ST8SIA5: variants seen among roughly 807,000 people sequenced by gnomAD.
The protein encoded by ST8SIA5 is alpha-2,8-sialyltransferase 8E.
ST8SIA5 carries 24 observed loss-of-function variants against 40.2 expected under a neutral mutation model. The ratio of observed to expected loss-of-function variants is 0.60; its 90% CI spans 0.43 to 0.84. The LOEUF is 0.84. Among genes scored for constraint, ST8SIA5 ranks in the 40% least tolerant of loss-of-function variants. The probability of loss-of-function intolerance (pLI) is 0.00; values close to 1 mark genes in which losing one functional copy is unlikely to be tolerated. For synonymous variants in ST8SIA5, 198 were observed against 201.8 expected (o/e 0.98, Z 0.16); for missense variants, 465 against 498.5 (o/e 0.93, Z 0.64).
chr18:46,724,083 T>C (rs2039890555), intron 1 of ST8SIA5, among the ~76,000 whole-genome samples: 1 of 152,230 alleles, frequency 6.6e-6, no homozygotes, highest in South Asian at 2.1e-4. Context: ...TCTCTGCACC[T>C]CTCAAGGCCT....
chr18:46,679,781 C>G lies in ST8SIA5; in HGVS notation c.*261G>C, dbSNP rs1346485445. On this transcript the variant is annotated 3_prime_UTR_variant, in exon 7 of 7. Coordinates refer to ENST00000315087, the MANE Select transcript of ST8SIA5 (RefSeq NM_013305.6). ...CCCCTGATCTTGGGGTGTGGCCCAG[C>G]AGCATGCTAGCCAGGGCAGGTGGAC... 1 of 515,036 alleles carries G rather than the reference C, an allele frequency of 1.9e-6. No homozygotes were observed. The highest frequency in any genetic ancestry group is 3.6e-5 in the Admixed American group (1 of 27,906). 31.9% of individuals were successfully genotyped at this position (515,036 alleles called of 1,614,324 possible).
intron 2 of ST8SIA5, among the ~76,000 whole-genome samples, chr18:46,702,146 CA>C (rs5824635): frequency 7.0e-4 from 85 of 120,718 alleles, no homozygotes; most frequent in African/African-American, 9.9e-4. Context: ...GACTCCATCT[CA>C]AAAAAAAAAA....
In ST8SIA5 at chr18:46,756,575, G is replaced by A. The variant is rs2040250906; in HGVS notation, c.-67C>T. ...AGGCAATGACTCGCGGGGTTCCGGG[G>A]CCCCGGGGGGCGCGCGGCCGACTTG... On this transcript the variant is annotated 5_prime_UTR_variant, in exon 1 of 7. Transcript: ENST00000315087. 11 of 1,525,172 alleles carry A rather than the reference G, an allele frequency of 7.2e-6. No homozygotes were observed. The highest frequency in any genetic ancestry group is 9.7e-6 in the Non-Finnish European group (11 of 1,138,002). 94.5% of individuals were successfully genotyped at this position (1,525,172 alleles called of 1,614,324 possible).
At chr18:46,689,686 G>C (rs887824701) in intron 3 of ST8SIA5, among the ~76,000 whole-genome samples, 30 of 149,170 alleles carry the variant, frequency 2.0e-4, no homozygotes, top group Non-Finnish European at 4.0e-4. Flanking sequence ...TGATTCTTCT[G>C]CCACAGCCTC....
At chr18:46,746,110 A>G (rs1184790553) in intron 1 of ST8SIA5, among the ~76,000 whole-genome samples, 1 of 152,216 alleles carries the variant, frequency 6.6e-6, no homozygotes, top group Admixed American at 6.5e-5. Flanking sequence ...AGCCAGTATC[A>G]TACTGAATGG....
intron 3 of ST8SIA5, among the ~76,000 whole-genome samples, chr18:46,690,979 G>T (rs1223204929): frequency 1.3e-5 from 2 of 152,190 alleles, no homozygotes; most frequent in Non-Finnish European, 2.9e-5. Context: ...CACTGACCTG[G>T]TCCAGGCTGA....
rs1037095361 is a variant in ST8SIA5 at position 46,670,898 on chromosome 18, T to C, written c.*9144A>G. On this transcript the variant is annotated 3_prime_UTR_variant, in exon 7 of 7. Coordinates refer to ENST00000315087, the MANE Select transcript of ST8SIA5 (RefSeq NM_013305.6). ...TCATTCTCTTAGTTTGCTTTGTCAT[T>C]AGAAATCAGAACCAAGTTCACTAGA... 2.0e-5 allele frequency: 3 copies of C among 152,204 alleles called. No individual in the cohort carries two copies. Among genetic ancestry groups the C allele is most frequent in the Non-Finnish European group, 4.4e-5 (3 of 68,034 alleles). The allele number at this position is 152,204 out of a possible 1,614,324, so 9.4% of individuals were successfully genotyped here.
chr18:46,694,713 G>A (rs1045790660), intron 2 of ST8SIA5, among the ~76,000 whole-genome samples: 3 of 152,040 alleles, frequency 2.0e-5, no homozygotes, highest in African/African-American at 7.3e-5. Flanking sequence ...TCCACTGAAG[G>A]GCTAAAGGAA....
chr18:46,669,425 CA>C lies in ST8SIA5; in HGVS notation c.*10616del, dbSNP rs1263679859. On this transcript the variant is annotated 3_prime_UTR_variant, in exon 7 of 7. Transcript: ENST00000315087. The stretch of plus-strand genomic sequence containing the variant: ...CTGCCCTGTCCTCCTTGCAGGAACG[CA>C]GCGAAGTCCAGTAAGAAAATGGATG... 6.6e-6 allele frequency: 1 copy of C among 152,180 alleles called. No homozygotes were observed. The highest frequency in any genetic ancestry group is 1.5e-5 in the Non-Finnish European group (1 of 68,038). 9.4% of individuals were successfully genotyped at this position (152,180 alleles called of 1,614,324 possible).
rs2039340194 is a variant in ST8SIA5 at position 46,676,497 on chromosome 18, TCC to T, written c.*3543_*3544del. ...AGTTGTTTCTAAGCACTGCTCTGCT[TCC>T]TCCCTGCTCTCAGCAAAGTCAAGGG... On this transcript the variant is annotated 3_prime_UTR_variant, in exon 7 of 7. Transcript: ENST00000315087. 1.3e-5 allele frequency: 2 copies of T among 152,208 alleles called. No homozygotes were observed. Among genetic ancestry groups the T allele is most frequent in the African/African-American group, 2.4e-5 (1 of 41,436 alleles). 9.4% of individuals were successfully genotyped at this position (152,208 alleles called of 1,614,324 possible). A position where few individuals can be genotyped will look rare whatever the true frequency, so the allele number is the denominator to read the frequency against.
At chr18:46,743,476 T>A (rs112821212) in intron 1 of ST8SIA5, among the ~76,000 whole-genome samples, 1 of 152,078 alleles carries the variant, frequency 6.6e-6, no homozygotes, top group South Asian at 2.1e-4. Flanking sequence ...TGATTGAAGA[T>A]CAAATTAATG....
intron 2 of ST8SIA5, 71 bp from the exon 3 acceptor site, chr18:46,692,326 C>T: frequency 7.0e-7 from 1 of 1,431,868 alleles, no homozygotes; most frequent in South Asian, 1.1e-5. Context: ...CCCAGAAATG[C>T]TCCCTCCTGA....
intron 1 of ST8SIA5, among the ~76,000 whole-genome samples, chr18:46,731,375 G>A (rs1399748195): frequency 1.3e-5 from 2 of 152,204 alleles, no homozygotes; most frequent in African/African-American, 4.8e-5. Flanking sequence ...AACAAGGGCA[G>A]TTGTTTCATG....
intron 1 of ST8SIA5, chr18:46,730,274 G>A (rs2039973367): frequency 3.0e-6 from 3 of 984,294 alleles, no homozygotes; most frequent in Non-Finnish European, 3.6e-6. Flanking sequence ...CACTAGCAGT[G>A]TGACTCTCAG....
intron 3 of ST8SIA5, 33 bp from the exon 4 acceptor site, chr18:46,688,952 G>A (rs749737947): frequency 4.4e-6 from 7 of 1,594,316 alleles, no homozygotes; most frequent in East Asian, 2.2e-5. Context: ...GGAAAGACGT[G>A]ATGCAGGAAA....
intron 1 of ST8SIA5, among the ~76,000 whole-genome samples, chr18:46,731,447 A>G (rs1279698069): frequency 1.3e-5 from 2 of 152,186 alleles, no homozygotes; most frequent in African/African-American, 4.8e-5. Context: ...GGGGAACTAG[A>G]GGTCACTGAG....
chr18:46,696,418 G>A (rs780293284), intron 2 of ST8SIA5, among the ~76,000 whole-genome samples: 12 of 152,124 alleles, frequency 7.9e-5, no homozygotes, highest in Non-Finnish European at 1.6e-4. Context: ...AACTCTAGGC[G>A]GGGTTCCAAG....
chr18:46,750,495 C>T (rs964812051), intron 1 of ST8SIA5, among the ~76,000 whole-genome samples: 16 of 152,232 alleles, frequency 1.1e-4, no homozygotes, highest in African/African-American at 1.9e-4. Context: ...GGGTAACCTG[C>T]GCTCCCTGTC....
intron 6 of ST8SIA5, 98 bp from the exon 7 acceptor site, chr18:46,680,608 A>G (rs2039384799): frequency 2.3e-6 from 3 of 1,308,122 alleles, no homozygotes; most frequent in East Asian, 5.1e-5. Flanking sequence ...CAAAGGACGG[A>G]AGGGACTCAT....
Sources: gnomAD v4.1 joint callset for allele counts (sites outside exome capture counted in the v4.1 genomes callset) on GRCh38, gnomAD v4.1.1 for gene constraint, MANE v1.5 for transcripts, NCBI Gene and HGNC (gene_info 2026-07-23, HGNC 2026-07-21) for gene names.